Variants in TRNP1 observed in about 807,000 individuals in gnomAD.
TRNP1 encodes TMF1 regulated nuclear protein 1, also known as TMF-regulated nuclear protein 1.
Under a neutral mutation model 12.2 loss-of-function variants are expected in TRNP1, and 16 were observed. That is an observed-to-expected ratio of 1.31 (90% confidence interval 0.89 to 1.99). The LOEUF is 1.99. Ranked by LOEUF, TRNP1 falls within the 30% of genes most tolerant of loss-of-function variation. The pLI is 0.00. For missense variants in TRNP1, 338 were observed against 330.4 expected, an observed-to-expected ratio of 1.02 and a Z score of -0.18; for synonymous variants, 139 against 166.2, an observed-to-expected ratio of 0.84 and a Z score of 1.26.
In TRNP1 at chr1:26,994,316, G is replaced by T; in HGVS notation, c.530G>T (p.Arg177Leu). 8.9e-7 allele frequency: 1 copy of T among 1,120,936 alleles called. No homozygotes were observed. The highest frequency in any genetic ancestry group is 1.1e-6 in the Non-Finnish European group (1 of 918,040). The allele number at this position is 1,120,936 out of a possible 1,614,324, so 69.4% of individuals were successfully genotyped here. A position where few individuals can be genotyped will look rare whatever the true frequency, so the allele number is the denominator to read the frequency against. Residue 177 changes from arginine to leucine, a missense_variant, in exon 1 of 2, where the codon CGC (arginine) becomes CTC (leucine). Coordinates refer to ENST00000522111, the MANE Select transcript of TRNP1 (RefSeq NM_001013642.3). This position sits in a 1 kb window ranked among gnomAD's most constrained non-coding sequence, Gnocchi z 6.9. ...CTCAAGAAGGGCCCGCGCCGCGGCC[G>T]CCGCGGCCGACCCCCCGCGCTGCTG... ...SRLKKGPRRG[R>L]RGRPPALLAS...
In TRNP1 at chr1:27,000,468, A is replaced by G. The variant is rs1178673540; in HGVS notation, c.*764A>G. 2 of 152,638 alleles carry G rather than the reference A, an allele frequency of 1.3e-5. No individual in the cohort carries two copies. Among genetic ancestry groups the G allele is most frequent in the Admixed American group, 6.5e-5 (1 of 15,278 alleles). 9.5% of individuals were successfully genotyped at this position (152,638 alleles called of 1,614,324 possible). On this transcript the variant is annotated 3_prime_UTR_variant, in exon 2 of 2. Coordinates refer to ENST00000522111, the MANE Select transcript of TRNP1 (RefSeq NM_001013642.3). ...TTTTTCTCAGGAAGAGGTGATGGCA[A>G]TGTAAAACATCTAAGCAAAGTTTTA... is the stretch of plus-strand genomic sequence containing the variant.
chr1:26,993,954 C>T lies in TRNP1; in HGVS notation c.168C>T (p.Asp56=), dbSNP rs1011605218. The change falls in exon 1 of 2, where the codon GAC becomes GAT. Residue 56 remains aspartate, a synonymous_variant. Coordinates refer to ENST00000522111, the MANE Select transcript of TRNP1 (RefSeq NM_001013642.3). ...PTPGQSPPLP[D]AAGASAGAAE... is the part of the protein sequence containing the mutation. ...CGGGTCAGTCCCCGCCGCTGCCGGA[C>T]GCAGCTGGGGCTTCAGCAGGCGCGG... is the stretch of plus-strand genomic sequence containing the variant. 1.6e-5 allele frequency: 21 copies of T among 1,342,216 alleles called. No homozygotes were observed. In the East Asian group the frequency reaches 6.5e-4, roughly 41 times the overall value. The allele number at this position is 1,342,216 out of a possible 1,614,324, so 83.1% of individuals were successfully genotyped here. A position where few individuals can be genotyped will look rare whatever the true frequency, so the allele number is the denominator to read the frequency against.
chr1:26,993,981 C>G lies in TRNP1; in HGVS notation c.195C>G (p.Ala65=), dbSNP rs1218330823. ...CAGCTGGGGCTTCAGCAGGCGCGGC[C>G]GAGGACCAGGAGCTGCAGCGCTGGC... ...PDAAGASAGA[A]EDQELQRWRQ... Residue 65 remains alanine (A), a synonymous_variant, in exon 1 of 2, where the codon GCC becomes GCG. Transcript: ENST00000522111. 64 of 1,314,174 alleles carry G rather than the reference C, an allele frequency of 4.9e-5. No individual in the cohort carries two copies. In the East Asian group the frequency reaches 1.9e-3, roughly 39 times the overall value. 81.4% of individuals were successfully genotyped at this position (1,314,174 alleles called of 1,614,324 possible). A position where few individuals can be genotyped will look rare whatever the true frequency, so the allele number is the denominator to read the frequency against.
In TRNP1 at chr1:27,000,060, T is replaced by G. The variant is rs975522741; in HGVS notation, c.*356T>G. 1 of 152,206 alleles carries G rather than the reference T, an allele frequency of 6.6e-6. No homozygotes were observed. The highest frequency in any genetic ancestry group is 2.4e-5 in the African/African-American group (1 of 41,446). 9.4% of individuals were successfully genotyped at this position (152,206 alleles called of 1,614,324 possible). A position where few individuals can be genotyped will look rare whatever the true frequency, so the allele number is the denominator to read the frequency against. On this transcript the variant is annotated 3_prime_UTR_variant, in exon 2 of 2. Coordinates refer to ENST00000522111, the MANE Select transcript of TRNP1 (RefSeq NM_001013642.3). The stretch of plus-strand genomic sequence containing the variant: ...TCTTCATATACCCCACATTTGACTT[T>G]GGCTTACACTGTACAATTGGAGATG...
At chr1:26,999,333 G>A (rs1314352245) in intron 1 of TRNP1, among the ~76,000 whole-genome samples, 2 of 152,186 alleles carry the variant, frequency 1.3e-5, no homozygotes, top group South Asian at 2.1e-4. Context: ...GCGGTGAGCC[G>A]AAATCGCGCC....
At chr1:26,995,462 T>A (rs1169897024) in intron 1 of TRNP1, among the ~76,000 whole-genome samples, 4 of 152,226 alleles carry the variant, frequency 2.6e-5, no homozygotes, top group Admixed American at 1.3e-4. Flanking sequence ...CTGTCCCCAC[T>A]GTGAATGACC....
At position 26,994,707 on chromosome 1, in the gene TRNP1, G is replaced by A. The variant is rs943254488; in HGVS notation, c.*142+95G>A. On this transcript the variant is annotated intron_variant, in intron 1 of 1. Coordinates refer to ENST00000522111, the MANE Select transcript of TRNP1 (RefSeq NM_001013642.3). The surrounding 1 kb of genome is among the most constrained non-coding windows in gnomAD (Gnocchi z 6.9). ...AACTCCCTTCCCTGGAGCTTCTGGC[G>A]TCTGCTGGGTCCCTAGTAAAGCTGC... is the stretch of plus-strand genomic sequence containing the variant. 1.2e-4 allele frequency: 23 copies of A among 197,536 alleles called. No individual in the cohort carries two copies. Among genetic ancestry groups the A allele is most frequent in the African/African-American group, 5.4e-4 (23 of 42,644 alleles). The allele number at this position is 197,536 out of a possible 1,614,324, so 12.2% of individuals were successfully genotyped here. A position where few individuals can be genotyped will look rare whatever the true frequency, so the allele number is the denominator to read the frequency against.
chr1:26,997,784 A>G (rs949743534), intron 1 of TRNP1, among the ~76,000 whole-genome samples: 1 of 152,132 alleles, frequency 6.6e-6, no homozygotes, highest in African/African-American at 2.4e-5. Flanking sequence ...CCTGCCCCTC[A>G]ACTGGATAAC....
chr1:26,997,231 G>A (rs1395364900), intron 1 of TRNP1, among the ~76,000 whole-genome samples: 4 of 151,076 alleles, frequency 2.6e-5, no homozygotes, highest in South Asian at 2.1e-4. Context: ...CCAGCTACTC[G>A]GGAGGCTGAG....
intron 1 of TRNP1, among the ~76,000 whole-genome samples, chr1:26,996,557 G>A (rs532297143): frequency 1.3e-5 from 2 of 152,296 alleles, no homozygotes; most frequent in African/African-American, 4.8e-5. Context: ...GGCTTAGAGA[G>A]GACAGGACAT....
At chr1:26,998,189 G>A (rs1250643557) in intron 1 of TRNP1, among the ~76,000 whole-genome samples, 2 of 151,410 alleles carry the variant, frequency 1.3e-5, no homozygotes, top group African/African-American at 4.8e-5. Context: ...CGAGACCATC[G>A]TGACTAACAT....
At chr1:26,999,077 A>T (rs1345971416) in intron 1 of TRNP1, among the ~76,000 whole-genome samples, 1 of 151,968 alleles carries the variant, frequency 6.6e-6, no homozygotes, top group African/African-American at 2.4e-5. Flanking sequence ...CCTGGGGGTG[A>T]GTCAGGCTGA....
rs2082536597 is a variant in TRNP1, at chr1:26,994,686, C to T, written c.*142+74C>T. The T allele has an allele frequency of 4.5e-6, 1 of 223,530 alleles. No homozygotes were observed. Among genetic ancestry groups the T allele is most frequent in the South Asian group, 1.8e-4 (1 of 5,598 alleles). 13.8% of individuals were successfully genotyped at this position (223,530 alleles called of 1,614,324 possible). ...GGGGCTGGTCCAGGGCCCGGGAACT[C>T]CCTTCCCTGGAGCTTCTGGCGTCTG... On this transcript the variant is annotated intron_variant, in intron 1 of 1. Coordinates refer to ENST00000522111, the MANE Select transcript of TRNP1 (RefSeq NM_001013642.3). The surrounding 1 kb of genome is among the most constrained non-coding windows in gnomAD (Gnocchi z 6.9).
rs1171198891 is a variant in TRNP1, at chr1:26,993,705, T to A, written c.-82T>A. The A allele has an allele frequency of 1.1e-5, 13 of 1,179,858 alleles. No homozygotes were observed. The highest frequency in any genetic ancestry group is 1.3e-5 in the Non-Finnish European group (12 of 958,410). 73.1% of individuals were successfully genotyped at this position (1,179,858 alleles called of 1,614,324 possible). A position where few individuals can be genotyped will look rare whatever the true frequency, so the allele number is the denominator to read the frequency against. ...GGGCGCGCCTCTGGGGTGGGGGCTGTGGCCGTGTCTAGCTGTTCGGGTGTG... is the reference window on the plus strand; with the variant it reads ...GGGCGCGCCTCTGGGGTGGGGGCTGAGGCCGTGTCTAGCTGTTCGGGTGTG... On this transcript the variant is annotated 5_prime_UTR_variant, in exon 1 of 2. Transcript: ENST00000522111.
chr1:26,994,074 G>C lies in TRNP1; in HGVS notation c.288G>C (p.Ala96=). Residue 96 remains alanine, a synonymous_variant, in exon 1 of 2, where the codon GCG becomes GCC. Transcript: ENST00000522111. This position sits in a 1 kb window ranked among gnomAD's most constrained non-coding sequence, Gnocchi z 6.9. ...GGGGCTCTGGCGCGGCTGCGGGGGCGGGGGGCCGCGCGCTGGAGCTGGCCG... is the reference window on the plus strand; with the variant it reads ...GGGGCTCTGGCGCGGCTGCGGGGGCCGGGGGCCGCGCGCTGGAGCTGGCCG... The part of the protein sequence containing the change: ...PGGGSGAAAG[A]GGRALELAEA... The C allele has an allele frequency of 1.6e-6, 2 of 1,216,938 alleles. No homozygotes were observed. Among genetic ancestry groups the C allele is most frequent in the Non-Finnish European group, 2.0e-6 (2 of 979,572 alleles). 75.4% of individuals were successfully genotyped at this position (1,216,938 alleles called of 1,614,324 possible).
At chr1:26,997,477 C>G (rs1387329558) in intron 1 of TRNP1, among the ~76,000 whole-genome samples, 1 of 152,102 alleles carries the variant, frequency 6.6e-6, no homozygotes, top group Non-Finnish European at 1.5e-5. Context: ...GCTTTTCTGG[C>G]TGTCACCATC....
rs2082537985 is a variant in TRNP1 at position 26,994,909 on chromosome 1, T to C, written c.*142+297T>C. On this transcript the variant is annotated intron_variant, in intron 1 of 1. Transcript: ENST00000522111. This position sits in a 1 kb window ranked among gnomAD's most constrained non-coding sequence, Gnocchi z 6.9. ...AGCACCCCCCATCCTCACCCCCACTTGCGTGGCCTTTCCCGGGCCCCTCGG... is the reference window on the plus strand; with the variant it reads ...AGCACCCCCCATCCTCACCCCCACTCGCGTGGCCTTTCCCGGGCCCCTCGG... 6.6e-6 allele frequency among the ~76,000 whole-genome samples: 1 copy of C among 152,160 alleles called. No homozygotes were observed. Among genetic ancestry groups the C allele is most frequent in the Non-Finnish European group, 1.5e-5 (1 of 68,012 alleles).
chr1:26,994,047 A>C lies in TRNP1; in HGVS notation c.261A>C (p.Gly87=), dbSNP rs2082531999. ...GGATCGCGGGGCTCGCCGGCCCCGG[A>C]GGGGGCTCTGGCGCGGCTGCGGGGG... ...ASGIAGLAGP[G]GGSGAAAGAG... Residue 87 remains glycine (G), a synonymous_variant, in exon 1 of 2, where the codon GGA becomes GGC. Transcript: ENST00000522111. The surrounding 1 kb of genome is among the most constrained non-coding windows in gnomAD (Gnocchi z 6.9). 8.1e-7 allele frequency: 1 copy of C among 1,228,438 alleles called. No homozygotes were observed. The highest frequency in any genetic ancestry group is 1.0e-6 in the Non-Finnish European group (1 of 986,754). The allele number at this position is 1,228,438 out of a possible 1,614,324, so 76.1% of individuals were successfully genotyped here. A position where few individuals can be genotyped will look rare whatever the true frequency, so the allele number is the denominator to read the frequency against.
intron 1 of TRNP1, among the ~76,000 whole-genome samples, chr1:26,997,040 G>A (rs115182604): frequency 1.8e-3 from 268 of 152,092 alleles, no homozygotes; most frequent in African/African-American, 5.6e-3. Flanking sequence ...AAGCTCACCC[G>A]TCTGGCTTTA....
Sources: allele counts gnomAD v4.1 joint callset (sites outside exome capture counted in the v4.1 genomes callset), GRCh38; gene constraint gnomAD v4.1.1; non-coding constraint Gnocchi (gnomAD v3.1); transcripts MANE v1.5; gene names NCBI Gene and HGNC (gene_info 2026-07-23, HGNC 2026-07-21).